Variants in OSBP observed in about 807,000 individuals in gnomAD.
OSBP encodes oxysterol-binding protein 1.
Under a neutral mutation model 96.6 loss-of-function variants are expected in OSBP, and 32 were observed. That is an observed-to-expected ratio of 0.33 (90% confidence interval 0.25 to 0.45). The LOEUF is 0.45. OSBP is among the 20% of genes least tolerant of loss of function. The probability of loss-of-function intolerance (pLI) is 1.00; values close to 1 mark genes in which losing one functional copy is unlikely to be tolerated. For missense variants in OSBP, 653 were observed against 1,029.7 expected (o/e 0.63, Z 5.01); for synonymous variants, 369 against 389.6 (o/e 0.95, Z 0.62).
In OSBP at chr11:59,610,393, G is replaced by A. The variant is rs764652006; in HGVS notation, c.559C>T (p.Leu187=). Residue 187 remains leucine, a synonymous_variant, in exon 2 of 14, where the codon CTG becomes TTG. Coordinates refer to ENST00000263847, the MANE Select transcript of OSBP (RefSeq NM_002556.3). ...ELAKAKAVKM[L]AESDESGDEE... ...CTTTGTTCCTGACCTGACTCTGCCA[G>A]CATCTTCACAGCTTTGGCCTTGGCC... 2.4e-5 allele frequency: 39 copies of A among 1,612,910 alleles called. No homozygotes were observed. The highest frequency in any genetic ancestry group is 3.1e-5 in the Non-Finnish European group (37 of 1,179,986).
At chr11:59,599,481 A>G (rs942786936) in intron 7 of OSBP, among the ~76,000 whole-genome samples, 2 of 151,724 alleles carry the variant, frequency 1.3e-5, no homozygotes, top group Non-Finnish European at 1.5e-5. Flanking sequence ...AATTGAACCT[A>G]TATCTTCTAT....
chr11:59,596,740 G>T (rs952400335), intron 7 of OSBP, among the ~76,000 whole-genome samples: 5 of 152,136 alleles, frequency 3.3e-5, no homozygotes, highest in African/African-American at 7.2e-5. Flanking sequence ...CAAGGCAGGG[G>T]AGGCCTCTCC....
chr11:59,607,112 T>G (rs1283040307), intron 3 of OSBP, among the ~76,000 whole-genome samples: 1 of 152,068 alleles, frequency 6.6e-6, no homozygotes, highest in Admixed American at 6.5e-5. Flanking sequence ...AAAAAAAAAA[T>G]TATGGATTGG....
chr11:59,609,471 G>A (rs1397060093), intron 2 of OSBP, among the ~76,000 whole-genome samples: 1 of 150,566 alleles, frequency 6.6e-6, no homozygotes, highest in Non-Finnish European at 1.5e-5. Flanking sequence ...AGCTAACATC[G>A]GCACTAAAAG....
At chr11:59,599,922 G>A (rs1860699240) in intron 7 of OSBP, among the ~76,000 whole-genome samples, 1 of 152,154 alleles carries the variant, frequency 6.6e-6, no homozygotes, top group Non-Finnish European at 1.5e-5. Flanking sequence ...TCCAGTAAAG[G>A]ATTTTCAGCT....
intron 10 of OSBP, 97 bp from the exon 11 acceptor site, chr11:59,580,366 T>C (rs745602322): frequency 1.7e-5 from 13 of 768,318 alleles, no homozygotes; most frequent in Non-Finnish European, 2.7e-5. Context: ...TCTTACATTC[T>C]AGTAATCCCT....
chr11:59,585,961 G>A lies in OSBP; in HGVS notation c.1679-4407C>T, dbSNP rs542017837. 1.3e-3 allele frequency among the ~76,000 whole-genome samples: 203 copies of A among 152,196 alleles called. 1 individual carries two copies. The highest frequency in any genetic ancestry group is 4.6e-3 in the African/African-American group (191 of 41,508). ...GATGTGCTTTGTTAAACAGATGCTT[G>A]AAGGCAGCATGCTGGTTAAGAGTCG... On this transcript the variant is annotated intron_variant, in intron 9 of 13. Coordinates refer to ENST00000263847, the MANE Select transcript of OSBP (RefSeq NM_002556.3).
chr11:59,592,444 A>G (rs1860596939), intron 9 of OSBP, among the ~76,000 whole-genome samples: 1 of 152,214 alleles, frequency 6.6e-6, no homozygotes, highest in African/African-American at 2.4e-5. Context: ...ATATTGCAAT[A>G]TTTAAGAACT....
intron 13 of OSBP, 21 bp from the exon 14 acceptor site, chr11:59,576,740 A>G (rs759846562): frequency 1.9e-6 from 3 of 1,611,998 alleles, no homozygotes; most frequent in Non-Finnish European, 2.5e-6. Context: ...AAGAGAGGAA[A>G]GAAAAAAATT....
rs1455063424 is a variant in OSBP at position 59,610,384 on chromosome 11, A to T, written c.568T>A (p.Ser190Thr). 1.9e-6 allele frequency: 3 copies of T among 1,612,594 alleles called. No individual in the cohort carries two copies. Among genetic ancestry groups the T allele is most frequent in the East Asian group, 2.2e-5 (1 of 44,898 alleles). The change falls in exon 2 of 14, where the codon TCA becomes ACA. Residue 190 changes from serine (S) to threonine (T), a missense_variant. Around this residue, in one of 6 missense-constraint regions of OSBP, gnomAD observed 308 missense variants for 573.1 expected, o/e 0.54. Coordinates refer to ENST00000263847, the MANE Select transcript of OSBP (RefSeq NM_002556.3). The part of the protein sequence containing the change: ...KAKAVKMLAE[S>T]DESGDEESVS... ...GCAGGTGTTCTTTGTTCCTGACCTG[A>T]CTCTGCCAGCATCTTCACAGCTTTG...
intron 9 of OSBP, among the ~76,000 whole-genome samples, chr11:59,592,877 C>T (rs953246807): frequency 6.6e-6 from 1 of 151,268 alleles, no homozygotes; most frequent in African/African-American, 2.4e-5. Context: ...CTCACTGAAA[C>T]CTCCGCCTCC....
In OSBP at chr11:59,576,732, G is replaced by A. The variant is rs1192737248; in HGVS notation, c.2282-13C>T. ...TCATATGGTGTGCCTAAAAGGAAAA[G>A]AGAGGAAAGAAAAAAATTAGTGCTG... is the stretch of plus-strand genomic sequence containing the variant. On this transcript the variant is annotated splice_polypyrimidine_tract_variant and intron_variant, in intron 13 of 13. Coordinates refer to ENST00000263847, the MANE Select transcript of OSBP (RefSeq NM_002556.3). 1 of 1,611,676 alleles carries A rather than the reference G, an allele frequency of 6.2e-7. No individual in the cohort carries two copies. Among genetic ancestry groups the A allele is most frequent in the African/African-American group, 1.3e-5 (1 of 74,650 alleles).
At chr11:59,610,910 G>C (rs971596560) in intron 1 of OSBP, among the ~76,000 whole-genome samples, 2 of 151,578 alleles carry the variant, frequency 1.3e-5, no homozygotes, top group Admixed American at 1.3e-4. Context: ...AAGGTGGGCA[G>C]ATCACCTGAG....
chr11:59,589,203 G>T (rs1590670518), intron 9 of OSBP, among the ~76,000 whole-genome samples: 1 of 149,208 alleles, frequency 6.7e-6, no homozygotes, highest in South Asian at 2.1e-4. Flanking sequence ...GCCTAGGCTG[G>T]TATCAGACTC....
At chr11:59,585,487 C>T (rs369641707) in intron 9 of OSBP, among the ~76,000 whole-genome samples, 5,609 of 151,784 alleles carry the variant, frequency 0.037, 134 homozygotes, top group Non-Finnish European at 0.042. Context: ...GCAGCCACCC[C>T]GTCTGGGAAG....
At chr11:59,589,278 G>A (rs1860545860) in intron 9 of OSBP, among the ~76,000 whole-genome samples, 1 of 150,096 alleles carries the variant, frequency 6.7e-6, no homozygotes, top group Non-Finnish European at 1.5e-5. Flanking sequence ...ATGAGCCACT[G>A]CATCTGTGCC....
chr11:59,578,523 T>G (rs903856868), intron 11 of OSBP, among the ~76,000 whole-genome samples, 193 bp from the exon 12 acceptor site: 1 of 152,156 alleles, frequency 6.6e-6, no homozygotes, highest in Non-Finnish European at 1.5e-5. Flanking sequence ...CAATCGTAGC[T>G]CACTGTGGCC....
chr11:59,611,423 C>G (rs1159221714), intron 1 of OSBP, among the ~76,000 whole-genome samples: 1 of 152,144 alleles, frequency 6.6e-6, no homozygotes, highest in Non-Finnish European at 1.5e-5. Flanking sequence ...AAGAATAGCT[C>G]TATTTTATAT....
intron 1 of OSBP, among the ~76,000 whole-genome samples, chr11:59,614,591 C>T (rs1252926447): frequency 1.3e-5 from 2 of 152,134 alleles, no homozygotes. Flanking sequence ...AAAGTTAATC[C>T]TAACTAACCA....
Sources: allele counts gnomAD v4.1 joint callset (sites outside exome capture counted in the v4.1 genomes callset), GRCh38; gene constraint gnomAD v4.1.1; regional missense constraint gnomAD v4.1.1; transcripts MANE v1.5; gene names NCBI Gene and HGNC (gene_info 2026-07-23, HGNC 2026-07-21).